Variants in LRP2 observed in about 807,000 individuals in gnomAD.
LRP2 encodes low-density lipoprotein receptor-related protein 2.
In LRP2, 172 loss-of-function variants were observed where a neutral mutation model predicts 531.0. That is an observed-to-expected ratio of 0.32 (90% CI 0.29 to 0.37). LRP2 has a LOEUF of 0.37. Ranked by LOEUF, LRP2 falls within the 10% of genes least tolerant of loss-of-function variation. The pLI, the probability that LRP2 is intolerant of heterozygous loss-of-function variation, is 1.00. For synonymous variants in LRP2, 1,992 were observed against 2,027.6 expected (o/e 0.98, Z 0.47); for missense variants, 5,167 against 5,868.3 (o/e 0.88, Z 3.90).
At chr2:169,282,745 C>T in intron 10 of LRP2, 128 bp downstream of exon 10, 2 of 1,046,062 alleles carry the variant, frequency 1.9e-6, no homozygotes, top group South Asian at 2.6e-5. Flanking sequence ...GGAGCCATCC[C>T]TGATTTGTAA....
chr2:169,359,443 A>C (rs945161178), intron 1 of LRP2, among the ~76,000 whole-genome samples: 4 of 152,178 alleles, frequency 2.6e-5, no homozygotes, highest in African/African-American at 7.2e-5. Context: ...GAATACTCAG[A>C]GCTCTTTTTT....
At chr2:169,360,128 CAAAAAA>C (rs67818940) in intron 1 of LRP2, among the ~76,000 whole-genome samples, 72 of 105,030 alleles carry the variant, frequency 6.9e-4, no homozygotes, top group African/African-American at 1.5e-3. Flanking sequence ...CTGTCTCTCT[CAAAAAA>C]AAAAAAAAAA....
At chr2:169,223,251 G>T (rs948015913) in intron 33 of LRP2, among the ~76,000 whole-genome samples, 15 of 152,274 alleles carry the variant, frequency 9.9e-5, no homozygotes, top group Admixed American at 6.5e-5. Flanking sequence ...TGGTTAAAGT[G>T]GCCTTACCAA....
At chr2:169,350,315 A>G (rs1685812756) in intron 1 of LRP2, among the ~76,000 whole-genome samples, 1 of 152,172 alleles carries the variant, frequency 6.6e-6, no homozygotes, top group Non-Finnish European at 1.5e-5. Flanking sequence ...AGCCAGGTGG[A>G]CATGTCAAAT....
intron 36 of LRP2, 74 bp downstream of exon 36, chr2:169,213,583 T>C (rs1405567911): frequency 2.6e-6 from 3 of 1,156,378 alleles, no homozygotes; most frequent in South Asian, 1.2e-5. Context: ...TGTGTGGGTG[T>C]GTGCTTACAA....
chr2:169,168,447 A>C, intron 61 of LRP2, 92 bp downstream of exon 61: 1 of 1,497,602 alleles, frequency 6.7e-7, no homozygotes, highest in South Asian at 1.1e-5. Flanking sequence ...ACAATTGTAC[A>C]ACTGCTCTCC....
chr2:169,293,094 G>T (rs1684042489), intron 6 of LRP2, among the ~76,000 whole-genome samples: 1 of 152,112 alleles, frequency 6.6e-6, no homozygotes, highest in South Asian at 2.1e-4. Flanking sequence ...TTGAAAATTA[G>T]GGTGATATCG....
rs753521481 is a variant in LRP2, at chr2:169,307,330, C to T, written c.378G>A (p.Arg126=). Residue 126 remains arginine (R), a synonymous_variant, in exon 4 of 79, where the codon AGG becomes AGA. Coordinates refer to ENST00000649046, the MANE Select transcript of LRP2 (RefSeq NM_004525.3). ...SNGQCIPSEY[R]CDHVRDCPDG... is the part of the protein sequence containing the mutation. ...CGGGGCAGTCTCTGACGTGGTCGCA[C>T]CTGTATTCACTTGGGATACACTGAC... 3.6e-5 allele frequency: 58 copies of T among 1,614,012 alleles called. No homozygotes were observed. The highest frequency in any genetic ancestry group is 1.0e-4 in the Admixed American group (6 of 60,004).
At chr2:169,242,402 C>T (rs1187325560) in intron 24 of LRP2, among the ~76,000 whole-genome samples, 2 of 152,226 alleles carry the variant, frequency 1.3e-5, no homozygotes, top group African/African-American at 4.8e-5. Context: ...CTCTGAACCT[C>T]CATAGAATTT....
At chr2:169,238,040 AC>A (rs1326333251) in intron 27 of LRP2, 50 bp downstream of exon 27, 1 of 1,508,608 alleles carries the variant, frequency 6.6e-7, no homozygotes, top group East Asian at 2.3e-5. Context: ...CAGCAAACAG[AC>A]CCAAGACAGA....
chr2:169,156,434 A>T, intron 64 of LRP2, 29 bp from the exon 65 acceptor site: 2 of 1,612,798 alleles, frequency 1.2e-6, no homozygotes, highest in Non-Finnish European at 1.7e-6. Context: ...CAAATACGCA[A>T]CATCTGTTCC....
intron 2 of LRP2, 34 bp downstream of exon 2, chr2:169,320,743 A>G: frequency 6.4e-7 from 1 of 1,552,816 alleles, no homozygotes. Flanking sequence ...TAGGTTACTC[A>G]AAATAGAACT....
intron 14 of LRP2, 52 bp from the exon 15 acceptor site, chr2:169,273,119 C>A (rs527975101): frequency 1.2e-6 from 2 of 1,607,552 alleles, no homozygotes; most frequent in Non-Finnish European, 1.7e-6. Context: ...GTGTAATTAT[C>A]CAAGACATGA....
intron 13 of LRP2, among the ~76,000 whole-genome samples, chr2:169,276,739 A>G (rs1574211783): frequency 6.6e-6 from 1 of 152,226 alleles, no homozygotes; most frequent in South Asian, 2.1e-4. Flanking sequence ...AATTAAGTTA[A>G]CCAGCCTATT....
chr2:169,248,723 C>A, intron 19 of LRP2, among the ~76,000 whole-genome samples: 1 of 142,674 alleles, frequency 7.0e-6, no homozygotes. Context: ...ATCTGAGGTA[C>A]CGGGTTCATC....
chr2:169,221,042 C>A (rs1688974276), intron 33 of LRP2, among the ~76,000 whole-genome samples: 1 of 152,050 alleles, frequency 6.6e-6, no homozygotes, highest in African/African-American at 2.4e-5. Flanking sequence ...AATTCTGTTC[C>A]AAGTCAACAA....
chr2:169,191,557 G>A (rs1350388281), intron 48 of LRP2, among the ~76,000 whole-genome samples: 2 of 151,478 alleles, frequency 1.3e-5, no homozygotes, highest in African/African-American at 4.8e-5. Flanking sequence ...TTGTTAATAT[G>A]GTATTATGTA....
At chr2:169,333,053 C>T (rs889642098) in intron 1 of LRP2, among the ~76,000 whole-genome samples, 2 of 152,018 alleles carry the variant, frequency 1.3e-5, no homozygotes, top group African/African-American at 4.8e-5. Flanking sequence ...CAAAAGATTT[C>T]CAACAATAAG....
intron 30 of LRP2, among the ~76,000 whole-genome samples, chr2:169,232,173 G>C (rs971003577): frequency 2.0e-5 from 3 of 150,998 alleles, no homozygotes; most frequent in African/African-American, 4.9e-5. Flanking sequence ...CAAATAATCT[G>C]TCTCCTTACC....
Sources: gnomAD v4.1 joint callset for allele counts (sites outside exome capture counted in the v4.1 genomes callset) on GRCh38, gnomAD v4.1.1 for gene constraint, MANE v1.5 for transcripts, NCBI Gene and HGNC (gene_info 2026-07-23, HGNC 2026-07-21) for gene names.